Variants in GIT2 observed in about 807,000 individuals in gnomAD.
The protein encoded by GIT2 is ARF GTPase-activating protein GIT2.
In GIT2, 32 loss-of-function variants were observed where a neutral mutation model predicts 100.3. The observed-to-expected ratio is 0.32, with a 90% CI of 0.24 to 0.43. The LOEUF (loss-of-function observed/expected upper bound fraction) is 0.43, where lower values mean the gene tolerates loss of function less well. Ranked by LOEUF, GIT2 falls within the 20% of genes least tolerant of loss-of-function variation. The probability of loss-of-function intolerance (pLI) is 1.00; values close to 1 mark genes in which losing one functional copy is unlikely to be tolerated. For synonymous variants in GIT2, 353 were observed against 364.1 expected, an observed-to-expected ratio of 0.97 and a Z score of 0.35; for missense variants, 737 against 975.1, an observed-to-expected ratio of 0.76 and a Z score of 3.25.
chr12:109,980,512 A>G (rs570681101), intron 7 of GIT2, among the ~76,000 whole-genome samples: 60 of 152,312 alleles, frequency 3.9e-4, no homozygotes, highest in African/African-American at 1.4e-3. Context: ...GCTACAAACC[A>G]TGGTTTGCTG....
At chr12:109,990,405 T>A (rs1208953467) in intron 2 of GIT2, among the ~76,000 whole-genome samples, 5 of 152,244 alleles carry the variant, frequency 3.3e-5, no homozygotes, top group Admixed American at 1.3e-4. Flanking sequence ...CAGACAGACC[T>A]GAGAGCAGTA....
At chr12:109,938,276 G>C (rs898126006) in intron 18 of GIT2, 104 bp downstream of exon 18, 2 of 777,762 alleles carry the variant, frequency 2.6e-6, no homozygotes, top group Non-Finnish European at 4.2e-6. Flanking sequence ...CAATGACCTT[G>C]AAGTCAGCAT....
In GIT2 at chr12:109,948,847, C is replaced by T; in HGVS notation, c.1393-1343G>A. The T allele has an allele frequency of 6.3e-7, 1 of 1,591,878 alleles. No homozygotes were observed. The highest frequency in any genetic ancestry group is 2.2e-5 in the East Asian group (1 of 44,696). On this transcript the variant is annotated intron_variant, in intron 14 of 19. Transcript: ENST00000355312. The surrounding 1 kb of genome is among the most constrained non-coding windows in gnomAD (Gnocchi z 4.3). ...ATTAATTAGCATCTTTTCCAAGCAA[C>T]TGTTAAATGTGAAAGATCAGATACA...
In GIT2 at chr12:109,934,664, G is replaced by A. The variant is rs1047158329; in HGVS notation, c.2004-579C>T. Among the ~76,000 whole-genome samples, 1 of 152,214 alleles carries A rather than the reference G, an allele frequency of 6.6e-6. No individual in the cohort carries two copies. The highest frequency in any genetic ancestry group is 6.5e-5 in the Admixed American group (1 of 15,284). Reference sequence around the variant, plus strand: ...CAAAGTGCTGGGGTTACAGGTGTGAGCCACGGTGTCCAGCCCTTTCCCCAT... The same window carrying A: ...CAAAGTGCTGGGGTTACAGGTGTGAACCACGGTGTCCAGCCCTTTCCCCAT... On this transcript the variant is annotated intron_variant, in intron 18 of 19. Transcript: ENST00000355312. The surrounding 1 kb of genome is among the most constrained non-coding windows in gnomAD (Gnocchi z 4.5).
chr12:109,951,549 A>G (rs545384656), intron 13 of GIT2, among the ~76,000 whole-genome samples: 19 of 152,338 alleles, frequency 1.2e-4, no homozygotes, highest in Non-Finnish European at 2.2e-4. Context: ...CTACACATCT[A>G]TGCTGACAAT....
In GIT2 at chr12:109,948,138, A is replaced by G; in HGVS notation, c.1393-634T>C. On this transcript the variant is annotated intron_variant, in intron 14 of 19. Transcript: ENST00000355312. This position sits in a 1 kb window ranked among gnomAD's most constrained non-coding sequence, Gnocchi z 4.3. ...CAGCACTTTGTAAAAAAAAAAAGAAAAAAGAGAAAACCGGATCATGGTAAG... is the reference window on the plus strand; with the variant it reads ...CAGCACTTTGTAAAAAAAAAAAGAAGAAAGAGAAAACCGGATCATGGTAAG... 1 of 966,952 alleles carries G rather than the reference A, an allele frequency of 1.0e-6. No homozygotes were observed. The highest frequency in any genetic ancestry group is 1.2e-6 in the Non-Finnish European group (1 of 813,112). 59.9% of individuals were successfully genotyped at this position (966,952 alleles called of 1,614,324 possible).
intron 12 of GIT2, among the ~76,000 whole-genome samples, chr12:109,956,221 C>T (rs552825244): frequency 5.9e-5 from 9 of 152,266 alleles, no homozygotes; most frequent in African/African-American, 1.7e-4. Flanking sequence ...TGAGCCACTG[C>T]GTCTGGCCAA....
At position 109,961,289 on chromosome 12, in the gene GIT2, T is replaced by C; in HGVS notation, c.976A>G (p.Thr326Ala). The C allele has an allele frequency of 6.2e-7, 1 of 1,601,600 alleles. No individual in the cohort carries two copies. ...ACTGAGCCACTTGCCTGATTTCGTG[T>C]TGATGAGTACTCAGGATTGACCGGA... ...FLPVNPEYSS[T>A]RNQGRQKLAR... Residue 326 changes from threonine (T) to alanine (A), a missense_variant, in exon 11 of 20, where the codon ACA becomes GCA. Thr to Ala is a moderately conservative substitution (Grantham distance 58, BLOSUM62 0). This residue lies in a region of GIT2 where 20 missense variants were observed against 55.2 expected (regional missense o/e 0.36). Coordinates refer to ENST00000355312, the MANE Select transcript of GIT2 (RefSeq NM_057169.5).
upstream of GIT2, chr12:109,999,455 G>A: frequency 4.2e-6 from 1 of 235,888 alleles, no homozygotes; most frequent in Non-Finnish European, 8.1e-6. The surrounding 1 kb of genome is among the most constrained non-coding windows in gnomAD (Gnocchi z 4.3). Context: ...AGCTGTCAGC[G>A]CGGGCGGGAA....
Position 109,953,161 on chromosome 12 carries a change from G to A in GIT2, c.1173C>T (p.Asp391=). Residue 391 remains aspartate (D), a synonymous_variant, in exon 13 of 20, where the codon GAC becomes GAT. Transcript: ENST00000355312. The part of the protein sequence containing the change: ...SVESQDNDQP[D]YDSVASDEDT... ...CTTCGTCTGATGCCACGCTGTCATA[G>A]TCGGGCTGATCGTTGTCTTGACTCT... is the stretch of plus-strand genomic sequence containing the variant. 1 of 1,614,088 alleles carries A rather than the reference G, an allele frequency of 6.2e-7. No homozygotes were observed. The highest frequency in any genetic ancestry group is 8.5e-7 in the Non-Finnish European group (1 of 1,179,944).
chr12:109,998,724 C>G (rs1889766856), upstream of GIT2: 1 of 152,108 alleles, frequency 6.6e-6, no homozygotes, highest in Non-Finnish European at 1.5e-5. Context: ...AATCATAACC[C>G]GGTTCGGAGT....
intron 15 of GIT2, among the ~76,000 whole-genome samples, chr12:109,945,746 T>C (rs971970481): frequency 6.6e-6 from 1 of 152,228 alleles, no homozygotes; most frequent in Admixed American, 6.5e-5. Context: ...TCCTGATATA[T>C]CTTTATATTC....
chr12:109,971,470 C>CT (rs993818120), intron 7 of GIT2, among the ~76,000 whole-genome samples: 1 of 151,740 alleles, frequency 6.6e-6, no homozygotes, highest in Non-Finnish European at 1.5e-5. Flanking sequence ...GGACTACAGG[C>CT]GCCCACCACC....
intron 15 of GIT2, among the ~76,000 whole-genome samples, chr12:109,946,711 A>G (rs932372622): frequency 1.3e-5 from 2 of 152,136 alleles, no homozygotes; most frequent in Non-Finnish European, 2.9e-5. Flanking sequence ...CGAACCTAGC[A>G]GGCACACTGA....
At chr12:109,975,853 C>T (rs1277339848) in intron 7 of GIT2, among the ~76,000 whole-genome samples, 1 of 150,432 alleles carries the variant, frequency 6.6e-6, no homozygotes, top group African/African-American at 2.5e-5. Flanking sequence ...CTCACTGCAA[C>T]CTCTGCCTCC....
intron 3 of GIT2, among the ~76,000 whole-genome samples, chr12:109,989,313 A>G (rs923066097): frequency 1.3e-5 from 2 of 152,202 alleles, no homozygotes; most frequent in Non-Finnish European, 2.9e-5. Flanking sequence ...AATTGTCTGA[A>G]CTGATTTAGC....
At chr12:109,996,046 AG>A in intron 1 of GIT2, 126 bp downstream of exon 1, 1 of 600,100 alleles carries the variant, frequency 1.7e-6, no homozygotes. Context: ...TCCCACCCCA[AG>A]GCCGCCCAGG....
At chr12:109,992,293 T>C (rs1480502488) in intron 1 of GIT2, among the ~76,000 whole-genome samples, 1 of 151,566 alleles carries the variant, frequency 6.6e-6, no homozygotes, top group African/African-American at 2.4e-5. Context: ...ATTACAGGCA[T>C]GCACCACCAC....
At chr12:109,937,120 T>G (rs1873262177) in intron 18 of GIT2, among the ~76,000 whole-genome samples, 1 of 152,182 alleles carries the variant, frequency 6.6e-6, no homozygotes, top group African/African-American at 2.4e-5. Flanking sequence ...TCTGAGGAGC[T>G]TCCAGCAGTC....
Sources: allele counts gnomAD v4.1 joint callset (sites outside exome capture counted in the v4.1 genomes callset), GRCh38; gene constraint gnomAD v4.1.1; regional missense constraint gnomAD v4.1.1; non-coding constraint Gnocchi (gnomAD v3.1); transcripts MANE v1.5; gene names NCBI Gene and HGNC (gene_info 2026-07-23, HGNC 2026-07-21).